Variants in GFRA1 observed in about 807,000 individuals in gnomAD.
GFRA1 encodes GDNF family receptor alpha-1.
Under a neutral mutation model 51.6 loss-of-function variants are expected in GFRA1, and 16 were observed. The ratio of observed to expected loss-of-function variants is 0.31; its 90% CI spans 0.21 to 0.47. The LOEUF (loss-of-function observed/expected upper bound fraction) is 0.47, where lower values mean the gene tolerates loss of function less well. Ranked by LOEUF, GFRA1 falls within the 20% of genes least tolerant of loss-of-function variation. The pLI is 1.00. For missense variants in GFRA1, 530 were observed against 594.3 expected, an observed-to-expected ratio of 0.89 and a Z score of 1.13; for synonymous variants, 270 against 241.3, an observed-to-expected ratio of 1.12 and a Z score of -1.10.
At chr10:116,136,840 G>A (rs970921293) in intron 5 of GFRA1, among the ~76,000 whole-genome samples, 5 of 152,172 alleles carry the variant, frequency 3.3e-5, no homozygotes, top group Admixed American at 2.6e-4. Flanking sequence ...CACTAAGTGT[G>A]ATGAATAAAG....
chr10:116,189,547 A>G (rs1349403570), intron 5 of GFRA1, among the ~76,000 whole-genome samples: 2 of 152,228 alleles, frequency 1.3e-5, no homozygotes, highest in Non-Finnish European at 2.9e-5. Context: ...GTCACTAGAT[A>G]AATGAACTAT....
chr10:116,084,658 A>G (rs1956007117), intron 9 of GFRA1, among the ~76,000 whole-genome samples: 1 of 152,130 alleles, frequency 6.6e-6, no homozygotes. Flanking sequence ...GACAAACACC[A>G]CATTAAGATG....
chr10:116,181,807 C>T (rs2134276258), intron 5 of GFRA1, among the ~76,000 whole-genome samples: 1 of 152,096 alleles, frequency 6.6e-6, no homozygotes, highest in African/African-American at 2.4e-5. Flanking sequence ...CTATGCCCGG[C>T]TAATTTTTTG....
At position 116,065,591 on chromosome 10, in the gene GFRA1, T is replaced by C; in HGVS notation, c.1233A>G (p.Thr411=). Residue 411 remains threonine (T), a synonymous_variant, in exon 10 of 11, where the codon ACA becomes ACG. Coordinates refer to ENST00000355422, the MANE Select transcript of GFRA1 (RefSeq NM_005264.8). The part of the protein sequence containing the change: ...QKLKSNVSGN[T]HLCISNGNYE... Reference sequence around the variant, plus strand: ...TACTTACATTGGAAATACAGAGGTGTGTATTGCCCGACACATTGGATTTCA... The same window carrying C: ...TACTTACATTGGAAATACAGAGGTGCGTATTGCCCGACACATTGGATTTCA... 6.2e-7 allele frequency: 1 copy of C among 1,613,552 alleles called. No homozygotes were observed. The highest frequency in any genetic ancestry group is 8.5e-7 in the Non-Finnish European group (1 of 1,179,576).
At chr10:116,208,218 C>T (rs1964928234) in intron 5 of GFRA1, among the ~76,000 whole-genome samples, 1 of 152,032 alleles carries the variant, frequency 6.6e-6, no homozygotes, top group Non-Finnish European at 1.5e-5. Flanking sequence ...ACTGGCCCTA[C>T]TTGTCATTCT....
chr10:116,170,690 G>A (rs913756047), intron 5 of GFRA1, among the ~76,000 whole-genome samples: 11 of 152,216 alleles, frequency 7.2e-5, no homozygotes, highest in East Asian at 3.9e-4. Context: ...ATAAGCCTCC[G>A]CTTTTTTCAA....
At chr10:116,248,770 G>A (rs971401805) in intron 4 of GFRA1, among the ~76,000 whole-genome samples, 2 of 152,134 alleles carry the variant, frequency 1.3e-5, no homozygotes, top group East Asian at 1.9e-4. Context: ...GAAAAGCAGC[G>A]AATTAAATCT....
chr10:116,187,236 T>C (rs1361810567), intron 5 of GFRA1, among the ~76,000 whole-genome samples: 2 of 152,342 alleles, frequency 1.3e-5, no homozygotes, highest in Middle Eastern at 3.4e-3. Flanking sequence ...ATTCTGTGAA[T>C]ACTTCGTATT....
intron 5 of GFRA1, among the ~76,000 whole-genome samples, chr10:116,163,124 G>A (rs1013622986): frequency 5.9e-5 from 9 of 152,118 alleles, no homozygotes; most frequent in Non-Finnish European, 1.2e-4. Flanking sequence ...CCCATAAGAG[G>A]AACCTGTTCA....
intron 5 of GFRA1, among the ~76,000 whole-genome samples, chr10:116,148,792 C>T (rs1958942453): frequency 6.6e-6 from 1 of 151,976 alleles, no homozygotes; most frequent in Admixed American, 6.6e-5. Flanking sequence ...AAGCTTATTC[C>T]AGGGCACGAA....
chr10:116,155,986 T>C (rs1347494575), intron 5 of GFRA1, among the ~76,000 whole-genome samples: 2 of 152,222 alleles, frequency 1.3e-5, no homozygotes, highest in African/African-American at 2.4e-5. Flanking sequence ...CGTGCAGGCC[T>C]GAGTGGCCCA....
intron 4 of GFRA1, among the ~76,000 whole-genome samples, chr10:116,233,041 T>C (rs1433599579): frequency 1.3e-5 from 2 of 152,158 alleles, no homozygotes; most frequent in African/African-American, 4.8e-5. Context: ...AAAAGGTATG[T>C]TTGGGCCAGG....
chr10:116,184,281 A>T (rs1962502815), intron 5 of GFRA1, among the ~76,000 whole-genome samples: 1 of 152,194 alleles, frequency 6.6e-6, no homozygotes, highest in African/African-American at 2.4e-5. Flanking sequence ...GGCATAGGGG[A>T]GGCCTCAAAT....
intron 4 of GFRA1, among the ~76,000 whole-genome samples, chr10:116,226,461 G>A (rs192031530): frequency 7.7e-4 from 117 of 152,230 alleles, no homozygotes; most frequent in Non-Finnish European, 1.3e-3. Context: ...ATCGACAAGC[G>A]GCTTTGCATG....
intron 4 of GFRA1, among the ~76,000 whole-genome samples, chr10:116,252,634 C>T (rs79618782): frequency 0.032 from 4,926 of 152,272 alleles, 132 homozygotes; most frequent in African/African-American, 0.081. Context: ...TCACCACTTC[C>T]GCCCTGGAAA....
chr10:116,068,439 A>G (rs1205240201), intron 9 of GFRA1, among the ~76,000 whole-genome samples: 2 of 152,180 alleles, frequency 1.3e-5, no homozygotes, highest in Non-Finnish European at 2.9e-5. Context: ...AAATGAGATG[A>G]GGGCCAGAGT....
intron 9 of GFRA1, among the ~76,000 whole-genome samples, chr10:116,072,632 G>A (rs867460572): frequency 3.3e-5 from 5 of 152,158 alleles, no homozygotes; most frequent in East Asian, 1.9e-4. Context: ...ATGTTGGCGC[G>A]CACCTGTAAT....
At chr10:116,086,694 T>A (rs140628370) in intron 9 of GFRA1, among the ~76,000 whole-genome samples, 1 of 152,336 alleles carries the variant, frequency 6.6e-6, no homozygotes, top group Non-Finnish European at 1.5e-5. Flanking sequence ...AGACTGTGCA[T>A]ATCACAGGGA....
At chr10:116,238,494 T>C (rs1967087176) in intron 4 of GFRA1, among the ~76,000 whole-genome samples, 1 of 152,202 alleles carries the variant, frequency 6.6e-6, no homozygotes, top group Non-Finnish European at 1.5e-5. Context: ...CCTGTCCACA[T>C]TGTCTGTGAA....
Sources: allele counts gnomAD v4.1 joint callset (sites outside exome capture counted in the v4.1 genomes callset), GRCh38; gene constraint gnomAD v4.1.1; transcripts MANE v1.5; gene names NCBI Gene and HGNC (gene_info 2026-07-23, HGNC 2026-07-21).